Variants in NTNG1 observed in about 807,000 individuals in gnomAD.
NTNG1 encodes netrin G1, also known as netrin-G1.
Under a neutral mutation model 54.0 loss-of-function variants are expected in NTNG1, and 16 were observed. The ratio of observed to expected loss-of-function variants is 0.30; its 90% CI spans 0.20 to 0.45. The LOEUF is 0.45. Among genes scored for constraint, NTNG1 ranks in the 20% least tolerant of loss-of-function variants. The pLI, the probability that NTNG1 is intolerant of heterozygous loss-of-function variation, is 1.00. For synonymous variants in NTNG1, 255 were observed against 263.1 expected, an observed-to-expected ratio of 0.97 and a Z score of 0.30; for missense variants, 530 against 678.7, an observed-to-expected ratio of 0.78 and a Z score of 2.43.
chr1:107,342,138 A>T (rs907612465), intron 3 of NTNG1, among the ~76,000 whole-genome samples: 13 of 152,130 alleles, frequency 8.5e-5, no homozygotes, highest in Non-Finnish European at 1.9e-4. Flanking sequence ...ATCCTATTTT[A>T]AAAGCAAAGT....
intron 3 of NTNG1, among the ~76,000 whole-genome samples, chr1:107,343,819 T>A (rs573796125): frequency 2.6e-3 from 392 of 152,276 alleles, no homozygotes; most frequent in Non-Finnish European, 4.6e-3. Context: ...GAAGGCTGCG[T>A]GCATTTGATG....
At chr1:107,397,868 G>A (rs974879774) in intron 4 of NTNG1, among the ~76,000 whole-genome samples, 2 of 151,754 alleles carry the variant, frequency 1.3e-5, no homozygotes, top group African/African-American at 4.8e-5. Flanking sequence ...GCCTGCTCTG[G>A]AAGTCCTCTA....
At chr1:107,387,690 C>T in intron 3 of NTNG1, among the ~76,000 whole-genome samples, 1 of 152,216 alleles carries the variant, frequency 6.6e-6, no homozygotes, top group African/African-American at 2.4e-5. Context: ...TGACTCTTGG[C>T]TGCCACTTAC....
At position 107,309,397 on chromosome 1, in the gene NTNG1, C is replaced by A. The variant is rs557651034; in HGVS notation, c.247-14885C>A. On this transcript the variant is annotated intron_variant, in intron 2 of 7. Transcript: ENST00000370068. ...AAAGTGACTCATGCAGCAGATACAG[C>A]ATTTAATTAGAAGACATACAATTGA... Among the ~76,000 whole-genome samples the A allele has an allele frequency of 2.6e-5, 4 of 152,276 alleles. No individual in the cohort carries two copies. In the East Asian group the frequency reaches 7.7e-4, roughly 29 times the overall value.
At chr1:107,216,992 T>G (rs1660009061) in intron 2 of NTNG1, among the ~76,000 whole-genome samples, 1 of 152,196 alleles carries the variant, frequency 6.6e-6, no homozygotes, top group African/African-American at 2.4e-5. Flanking sequence ...CCTCTTTCTC[T>G]ATCTTTTGGA....
At chr1:107,371,860 A>AT (rs1199709323) in intron 3 of NTNG1, among the ~76,000 whole-genome samples, 9 of 151,854 alleles carry the variant, frequency 5.9e-5, no homozygotes, top group African/African-American at 1.7e-4. Context: ...CAGATTTTGG[A>AT]TTTTTTTTAT....
intron 2 of NTNG1, among the ~76,000 whole-genome samples, chr1:107,301,939 G>A (rs186167313): frequency 3.9e-5 from 6 of 152,238 alleles, no homozygotes; most frequent in Admixed American, 3.3e-4. Context: ...ATCCTGCTGT[G>A]TTCAAGTTTT....
chr1:107,186,245 C>T (rs977497547), intron 2 of NTNG1, among the ~76,000 whole-genome samples: 1 of 152,154 alleles, frequency 6.6e-6, no homozygotes, highest in Non-Finnish European at 1.5e-5. Flanking sequence ...TCACTTGCCT[C>T]CTTTGCCACC....
chr1:107,359,819 G>GAA (rs80162142), intron 3 of NTNG1, among the ~76,000 whole-genome samples: 5 of 151,302 alleles, frequency 3.3e-5, no homozygotes, highest in African/African-American at 1.2e-4. Flanking sequence ...GTGATAAGAT[G>GAA]AAAAAAAAGG....
intron 2 of NTNG1, among the ~76,000 whole-genome samples, chr1:107,252,838 CA>C (rs1662695932): frequency 6.6e-6 from 1 of 152,154 alleles, no homozygotes; most frequent in Non-Finnish European, 1.5e-5. Context: ...TTATCTGATT[CA>C]AAGATAATAA....
intron 3 of NTNG1, among the ~76,000 whole-genome samples, chr1:107,346,087 G>T (rs1217641250): frequency 1.3e-5 from 2 of 152,180 alleles, no homozygotes; most frequent in Admixed American, 6.5e-5. Flanking sequence ...ATGTGTTGCA[G>T]TCTGATTTGC....
chr1:107,141,310 C>A (rs1653665695), intron 1 of NTNG1, 170 bp downstream of exon 1: 1 of 150,582 alleles, frequency 6.6e-6, no homozygotes, highest in Non-Finnish European at 1.5e-5. Context: ...GGAGGAGGCT[C>A]CGCGGGAGCT....
At chr1:107,425,970 G>T (rs1280119995) in intron 5 of NTNG1, among the ~76,000 whole-genome samples, 1 of 151,938 alleles carries the variant, frequency 6.6e-6, no homozygotes, top group Non-Finnish European at 1.5e-5. Flanking sequence ...TTGGCTACTT[G>T]TATGTCTTCT....
intron 2 of NTNG1, among the ~76,000 whole-genome samples, chr1:107,263,272 G>GCTTCCTTCCTTCCTTCCTTC (rs58443542): frequency 2.1e-5 from 3 of 146,164 alleles, no homozygotes; most frequent in African/African-American, 7.7e-5. Context: ...AGGTTAGCTT[G>GCTTCCTTCCTTCCTTCCTTC]CTTCCTTCCT....
intron 2 of NTNG1, among the ~76,000 whole-genome samples, chr1:107,322,379 T>G (rs995833637): frequency 3.3e-5 from 5 of 152,114 alleles, no homozygotes; most frequent in Non-Finnish European, 7.4e-5. Flanking sequence ...TTAATGATAG[T>G]GCAGATGGCT....
At chr1:107,237,870 TG>T (rs2101564396) in intron 2 of NTNG1, among the ~76,000 whole-genome samples, 1 of 152,314 alleles carries the variant, frequency 6.6e-6, no homozygotes, top group South Asian at 2.1e-4. Context: ...GCTGCAGGGA[TG>T]GGACCCTCAT....
intron 2 of NTNG1, among the ~76,000 whole-genome samples, chr1:107,154,177 A>G (rs1654793123): frequency 6.6e-6 from 1 of 152,124 alleles, no homozygotes; most frequent in African/African-American, 2.4e-5. Context: ...ATAGAGAAAT[A>G]AGACCAGCAC....
intron 6 of NTNG1, among the ~76,000 whole-genome samples, chr1:107,434,614 TTGAAACCCA>T (rs1320077121): frequency 6.6e-6 from 1 of 152,166 alleles, no homozygotes; most frequent in African/African-American, 2.4e-5. Flanking sequence ...TAATTCCCCT[TTGAAACCCA>T]TGGTTGGGTA....
At position 107,466,930 on chromosome 1, in the gene NTNG1, G is replaced by A. The variant is rs150225278; in HGVS notation, c.1391-13681G>A. ...ATGACTTAATTTCCCCCCTTTTCAG[G>A]TCCACTAAGCAGATCTGTTCTCACT... On this transcript the variant is annotated intron_variant, in intron 7 of 7. Coordinates refer to ENST00000370068, the MANE Select transcript of NTNG1 (RefSeq NM_001113226.3). 3.9e-3 allele frequency among the ~76,000 whole-genome samples: 593 copies of A among 152,154 alleles called. 2 individuals are homozygous for A. Among genetic ancestry groups the A allele is most frequent in the Non-Finnish European group, 6.1e-3 (417 of 68,018 alleles).
Sources: gnomAD v4.1 joint callset for allele counts (sites outside exome capture counted in the v4.1 genomes callset) on GRCh38, gnomAD v4.1.1 for gene constraint, MANE v1.5 for transcripts, NCBI Gene and HGNC (gene_info 2026-07-23, HGNC 2026-07-21) for gene names.